ANOS1: variants seen among roughly 807,000 people sequenced by gnomAD.
The protein encoded by ANOS1 is anosmin-1.
Under a neutral mutation model 59.0 loss-of-function variants are expected in ANOS1, and 6 were observed. That is an observed-to-expected ratio of 0.10 (90% CI 0.06 to 0.20). The LOEUF (loss-of-function observed/expected upper bound fraction) is 0.20, where lower values mean the gene tolerates loss of function less well. Among genes scored for constraint, ANOS1 ranks in the 10% least tolerant of loss-of-function variants. ANOS1 has a pLI of 1.00. For synonymous variants in ANOS1, 217 were observed against 223.4 expected, an observed-to-expected ratio of 0.97 and a Z score of 0.25; for missense variants, 433 against 542.3, an observed-to-expected ratio of 0.80 and a Z score of 2.00.
intron 1 of ANOS1, among the ~76,000 whole-genome samples, chrX:8,731,379 G>C (rs1026186294): frequency 8.9e-6 from 1 of 111,786 alleles, no homozygotes; most frequent in Non-Finnish European, 1.9e-5. Flanking sequence ...GCGGGCACCT[G>C]CGGGGCTGGG....
chrX:8,623,216 A>T (rs1383210854), intron 3 of ANOS1, among the ~76,000 whole-genome samples: 2 of 111,533 alleles, frequency 1.8e-5, no homozygotes, highest in Non-Finnish European at 3.8e-5. Context: ...GAACAAAGAG[A>T]TGAAAATATT....
intron 8 of ANOS1, among the ~76,000 whole-genome samples, chrX:8,554,421 T>C (rs1435590383): frequency 9.0e-6 from 1 of 110,981 alleles, no homozygotes; most frequent in Non-Finnish European, 1.9e-5. Context: ...ACTACGCTTT[T>C]CCCACTGTCT....
intron 2 of ANOS1, among the ~76,000 whole-genome samples, chrX:8,657,163 C>G (rs1415234175): frequency 8.9e-6 from 1 of 112,605 alleles, no homozygotes; most frequent in East Asian, 2.8e-4. Context: ...GACACTTGAG[C>G]TCAGGTGACT....
chrX:8,650,772 G>A (rs1210753628), intron 2 of ANOS1, among the ~76,000 whole-genome samples: 1 of 112,065 alleles, frequency 8.9e-6, no homozygotes, highest in Non-Finnish European at 1.9e-5. Flanking sequence ...ACAGGAGGCT[G>A]TCCTTTTGAC....
chrX:8,717,281 C>G (rs1455246248), intron 1 of ANOS1, among the ~76,000 whole-genome samples: 2 of 112,092 alleles, frequency 1.8e-5, no homozygotes, highest in African/African-American at 6.5e-5. Flanking sequence ...CTATTAAAAA[C>G]AGGTTTAAAA....
rs150571687 is a variant in ANOS1, at chrX:8,554,217, G to A, written c.1208-119C>T. On this transcript the variant is annotated intron_variant, in intron 8 of 13. Transcript: ENST00000262648. ...TTCCAGCGAGAACAACACAGAAGGCGGGTGATTTCTCTATTTCCAACGGAG... is the reference window on the plus strand; with the variant it reads ...TTCCAGCGAGAACAACACAGAAGGCAGGTGATTTCTCTATTTCCAACGGAG... 4.5e-3 allele frequency: 2,549 copies of A among 572,540 alleles called. 11 individuals are homozygous for A. The highest frequency in any genetic ancestry group is 0.024 in the African/African-American group (1,049 of 43,845). 47.2% of individuals were successfully genotyped at this position (572,540 alleles called of 1,213,427 possible).
chrX:8,530,664 T>C lies in ANOS1; in HGVS notation c.*2331A>G, dbSNP rs1420170674. ...TCACCATCTGAACTAAAAATATCTG[T>C]CCAATGTCTATTACCCAGACAAAAG... is the stretch of plus-strand genomic sequence containing the variant. On this transcript the variant is annotated 3_prime_UTR_variant, in exon 14 of 14. Transcript: ENST00000262648. 9.1e-6 allele frequency: 1 copy of C among 110,055 alleles called. No homozygotes were observed. Among genetic ancestry groups the C allele is most frequent in the East Asian group, 2.8e-4 (1 of 3,533 alleles). The allele number at this position is 110,055 out of a possible 1,213,427, so 9.1% of individuals were successfully genotyped here.
chrX:8,561,756 G>C (rs2146801387), intron 8 of ANOS1, among the ~76,000 whole-genome samples: 1 of 109,141 alleles, frequency 9.2e-6, no homozygotes, highest in South Asian at 4.0e-4. Context: ...CAGGATCTAA[G>C]AGTTTCACAA....
At chrX:8,689,463 C>A (rs998609847) in intron 2 of ANOS1, among the ~76,000 whole-genome samples, 1 of 109,957 alleles carries the variant, frequency 9.1e-6, no homozygotes, top group East Asian at 2.9e-4. Context: ...TTGGAAAGGC[C>A]GAGGTGTACA....
At chrX:8,688,598 G>A (rs935896090) in intron 2 of ANOS1, among the ~76,000 whole-genome samples, 1 of 112,410 alleles carries the variant, frequency 8.9e-6, no homozygotes, top group Non-Finnish European at 1.9e-5. Context: ...TTACACGGAG[G>A]TGCATTTCCC....
At chrX:8,692,431 A>G (rs1331295690) in intron 2 of ANOS1, among the ~76,000 whole-genome samples, 1 of 110,925 alleles carries the variant, frequency 9.0e-6, no homozygotes, top group East Asian at 2.8e-4. Flanking sequence ...GCATTTAATG[A>G]AAAGTTACAT....
chrX:8,585,300 T>C lies in ANOS1; in HGVS notation c.823A>G (p.Thr275Ala), dbSNP rs753666778. 1.1e-5 allele frequency: 13 copies of C among 1,210,778 alleles called. No homozygotes were observed. The Admixed American group carries it at 2.6e-4, about 24-fold the overall frequency. ...AVNVHGTRGFTAPSKHFRSSK... is the reference protein window; with the variant it reads ...AVNVHGTRGFAAPSKHFRSSK... ...GAACGGAAGTGTTTGCTGGGGGCAGTGAAGCCTCGAGTTCCATGCACATTC... is the reference window on the plus strand; with the variant it reads ...GAACGGAAGTGTTTGCTGGGGGCAGCGAAGCCTCGAGTTCCATGCACATTC... The change falls in exon 6 of 14, where the codon ACT becomes GCT. Residue 275 changes from threonine to alanine, a missense_variant. Coordinates refer to ENST00000262648, the MANE Select transcript of ANOS1 (RefSeq NM_000216.4).
intron 1 of ANOS1, among the ~76,000 whole-genome samples, chrX:8,725,707 TAC>T (rs1326677263): frequency 2.0e-5 from 1 of 50,592 alleles, no homozygotes; most frequent in East Asian, 7.1e-4. Flanking sequence ...GATATATATA[TAC>T]AGATATATAT....
intron 9 of ANOS1, among the ~76,000 whole-genome samples, chrX:8,548,979 G>A (rs775219881): frequency 7.2e-5 from 8 of 111,830 alleles, no homozygotes; most frequent in African/African-American, 2.6e-4. Context: ...TCCGTCACAT[G>A]AGCTCATCAC....
At chrX:8,636,987 C>T (rs186026895) in intron 2 of ANOS1, among the ~76,000 whole-genome samples, 112 of 112,343 alleles carry the variant, frequency 1.0e-3, no homozygotes, top group African/African-American at 3.3e-3. Flanking sequence ...CCTGTTTGGC[C>T]TTTAACCCAA....
intron 4 of ANOS1, among the ~76,000 whole-genome samples, chrX:8,590,381 T>A (rs1328983681): frequency 8.9e-6 from 1 of 111,779 alleles, no homozygotes; most frequent in Non-Finnish European, 1.9e-5. Context: ...TTCTGAAATG[T>A]CTTGCCTTCT....
intron 1 of ANOS1, among the ~76,000 whole-genome samples, chrX:8,708,295 G>A (rs1932791314): frequency 8.9e-6 from 1 of 111,775 alleles, no homozygotes; most frequent in Non-Finnish European, 1.9e-5. Context: ...CAATAGAAAT[G>A]CCTAAGAAAC....
intron 1 of ANOS1, among the ~76,000 whole-genome samples, chrX:8,723,140 C>T (rs917004408): frequency 2.7e-5 from 3 of 112,394 alleles, no homozygotes; most frequent in Non-Finnish European, 5.6e-5. Context: ...CTTTGAGACA[C>T]TGGCTTAGGC....
chrX:8,640,624 A>G (rs1185209234), intron 2 of ANOS1, among the ~76,000 whole-genome samples: 1 of 108,334 alleles, frequency 9.2e-6, no homozygotes, highest in Non-Finnish European at 1.9e-5. Context: ...GAAAGGTCGC[A>G]TTTCTTGTTT....
Sources: gnomAD v4.1 joint callset for allele counts (sites outside exome capture counted in the v4.1 genomes callset) on GRCh38, gnomAD v4.1.1 for gene constraint, MANE v1.5 for transcripts, NCBI Gene and HGNC (gene_info 2026-07-23, HGNC 2026-07-21) for gene names.